Variants in SPECC1 observed in about 807,000 individuals in gnomAD.
The protein encoded by SPECC1 is cytospin-B.
Under a neutral mutation model 104.1 loss-of-function variants are expected in SPECC1, and 62 were observed. That is an observed-to-expected ratio of 0.60 (90% CI 0.49 to 0.74). The LOEUF is 0.74. Ranked by LOEUF, SPECC1 falls within the 30% of genes least tolerant of loss-of-function variation. SPECC1 has a pLI of 0.00. For synonymous variants in SPECC1, 513 were observed against 501.6 expected (o/e 1.02, Z -0.30); for missense variants, 1,306 against 1,310.5 (o/e 1.00, Z 0.05).
At chr17:20,229,737 A>G (rs2038456866) in intron 5 of SPECC1, among the ~76,000 whole-genome samples, 1 of 152,238 alleles carries the variant, frequency 6.6e-6, no homozygotes, top group Non-Finnish European at 1.5e-5. Context: ...GAAAGGGAGA[A>G]GTTTGACAAT....
At chr17:20,111,260 A>G (rs781623694) in intron 3 of SPECC1, among the ~76,000 whole-genome samples, 7 of 152,220 alleles carry the variant, frequency 4.6e-5, no homozygotes, top group Non-Finnish European at 7.3e-5. Context: ...AATAACTGAA[A>G]TACATCGTTA....
At position 20,179,564 on chromosome 17, in the gene SPECC1, A is replaced by C. The variant is rs1366691433; in HGVS notation, c.284-24769A>C. ...ATAAGGTGGGAAAGTCCCCAGGCTTAGGAAAGAAGGGTTCAAAAGCTAGGT... is the reference window on the plus strand; with the variant it reads ...ATAAGGTGGGAAAGTCCCCAGGCTTCGGAAAGAAGGGTTCAAAAGCTAGGT... On this transcript the variant is annotated intron_variant, in intron 3 of 14. Coordinates refer to ENST00000395527, the MANE Select transcript of SPECC1 (RefSeq NM_001243439.2). Among the ~76,000 whole-genome samples the C allele has an allele frequency of 3.3e-5, 5 of 152,230 alleles. No homozygotes were observed. In the East Asian group the frequency reaches 9.6e-4, roughly 29 times the overall value.
In SPECC1 at chr17:20,299,036, T is replaced by C. The variant is rs573362049; in HGVS notation, c.3057+1959T>C. Among the ~76,000 whole-genome samples, 78 of 149,514 alleles carry C rather than the reference T, an allele frequency of 5.2e-4. 4 individuals carry two copies. In the South Asian group the frequency reaches 0.017, roughly 33 times the overall value. On this transcript the variant is annotated intron_variant, in intron 13 of 14. Coordinates refer to ENST00000395527, the MANE Select transcript of SPECC1 (RefSeq NM_001243439.2). The stretch of plus-strand genomic sequence containing the variant: ...GAGAGATTTATTCTAAGGAACTAGC[T>C]CGAGATTATAGAAGCTAGCAAGTCC...
intron 3 of SPECC1, among the ~76,000 whole-genome samples, chr17:20,114,414 TC>T (rs1465921647): frequency 6.6e-6 from 1 of 152,096 alleles, no homozygotes; most frequent in African/African-American, 2.4e-5. Flanking sequence ...ATGGTCTTGA[TC>T]TACTGACCTT....
intron 4 of SPECC1, among the ~76,000 whole-genome samples, chr17:20,211,037 C>T (rs778950035): frequency 6.6e-6 from 1 of 152,196 alleles, no homozygotes; most frequent in Non-Finnish European, 1.5e-5. Flanking sequence ...TCAGACTCAT[C>T]TCAGTAAATG....
At chr17:20,080,819 A>T (rs538778242) in intron 1 of SPECC1, among the ~76,000 whole-genome samples, 2 of 152,106 alleles carry the variant, frequency 1.3e-5, no homozygotes, top group Admixed American at 1.3e-4. Context: ...GGATGCTGAG[A>T]GATTTGGGCA....
At chr17:20,043,687 A>G (rs1597606688) in intron 1 of SPECC1, among the ~76,000 whole-genome samples, 1 of 152,238 alleles carries the variant, frequency 6.6e-6, no homozygotes, top group African/African-American at 2.4e-5. Context: ...CACCATTTTC[A>G]TTTCATAGTC....
chr17:20,316,167 A>ATT lies in SPECC1; in HGVS notation c.*2111_*2112dup. 9.3e-6 allele frequency: 2 copies of ATT among 214,742 alleles called. No homozygotes were observed. The highest frequency in any genetic ancestry group is 2.3e-5 in the African/African-American group (1 of 44,104). 13.3% of individuals were successfully genotyped at this position (214,742 alleles called of 1,614,324 possible). On this transcript the variant is annotated 3_prime_UTR_variant, in exon 15 of 15. Transcript: ENST00000395527. ...GCTGATTCAGGCACTTGTTTGAAGC[A>ATT]TTTTTTTTTTATTAACCCTGTACTT...
chr17:20,207,554 A>G (rs1185672967), intron 4 of SPECC1, among the ~76,000 whole-genome samples: 1 of 152,232 alleles, frequency 6.6e-6, no homozygotes, highest in East Asian at 1.9e-4. Flanking sequence ...TTAAATGTGC[A>G]TATCAGTGAG....
chr17:20,035,190 A>G (rs973218838), intron 1 of SPECC1, among the ~76,000 whole-genome samples: 2 of 152,196 alleles, frequency 1.3e-5, no homozygotes, highest in Admixed American at 6.5e-5. Context: ...TACTGTAGCT[A>G]TGTAAGTCTT....
At chr17:20,126,721 G>A (rs895331483) in intron 3 of SPECC1, among the ~76,000 whole-genome samples, 5 of 152,314 alleles carry the variant, frequency 3.3e-5, no homozygotes, top group South Asian at 2.1e-4. Context: ...TGTGTTAAAT[G>A]CTAGTGACAT....
intron 3 of SPECC1, among the ~76,000 whole-genome samples, chr17:20,173,448 A>C (rs959512276): frequency 1.3e-5 from 2 of 152,250 alleles, no homozygotes; most frequent in African/African-American, 4.8e-5. Flanking sequence ...CTGGAAAGCT[A>C]AATTTAGAGA....
chr17:20,156,172 C>A, intron 3 of SPECC1: 1 of 1,441,532 alleles, frequency 6.9e-7, no homozygotes, highest in Non-Finnish European at 9.1e-7. Context: ...GCCGGCAAGC[C>A]GGCTGGTGCC....
Position 20,186,358 on chromosome 17 carries a change from T to G in SPECC1, c.284-17975T>G, listed in dbSNP as rs530734972. 3.3e-5 allele frequency among the ~76,000 whole-genome samples: 5 copies of G among 152,294 alleles called. No individual in the cohort carries two copies. The South Asian group carries it at 1.0e-3, about 32-fold the overall frequency. On this transcript the variant is annotated intron_variant, in intron 3 of 14. Coordinates refer to ENST00000395527, the MANE Select transcript of SPECC1 (RefSeq NM_001243439.2). The stretch of plus-strand genomic sequence containing the variant: ...TGTACATGCCTTAATTTAAAAAATA[T>G]TGCTAAAAAATGCTAACGAAGTAAG...
intron 12 of SPECC1, among the ~76,000 whole-genome samples, chr17:20,264,043 C>T (rs1475105035): frequency 1.3e-5 from 2 of 152,198 alleles, no homozygotes; most frequent in East Asian, 3.8e-4. Flanking sequence ...ATTTACCCTT[C>T]ACAAAATATG....
chr17:20,168,336 A>T (rs2033825842), intron 3 of SPECC1, among the ~76,000 whole-genome samples: 1 of 152,224 alleles, frequency 6.6e-6, no homozygotes, highest in Non-Finnish European at 1.5e-5. Context: ...AATTGGAAAT[A>T]TCAGTACATT....
chr17:20,285,155 C>G (rs2040900361), intron 12 of SPECC1, among the ~76,000 whole-genome samples: 1 of 152,168 alleles, frequency 6.6e-6, no homozygotes, highest in African/African-American at 2.4e-5. Context: ...AGTAACCAGG[C>G]AACCAAGGCA....
intron 12 of SPECC1, among the ~76,000 whole-genome samples, chr17:20,296,349 C>A (rs562131204): frequency 6.6e-6 from 1 of 152,270 alleles, no homozygotes; most frequent in Non-Finnish European, 1.5e-5. Context: ...GGTATTATTT[C>A]CGAGGGCTCT....
At position 20,013,401 on chromosome 17, in the gene SPECC1, A is replaced by T. The variant is rs536709165; in HGVS notation, c.-22+3977A>T. Among the ~76,000 whole-genome samples, 8 of 152,276 alleles carry T rather than the reference A, an allele frequency of 5.3e-5. No homozygotes were observed. In the South Asian group the frequency reaches 1.2e-3, roughly 24 times the overall value. On this transcript the variant is annotated intron_variant, in intron 1 of 14. Coordinates refer to ENST00000395527, the MANE Select transcript of SPECC1 (RefSeq NM_001243439.2). ...TCTTTTTTTGATAGTAGCTATCCTT[A>T]TGGGTGTGAAATCTTTGTCTTTTAA...
Sources: allele counts gnomAD v4.1 joint callset (sites outside exome capture counted in the v4.1 genomes callset), GRCh38; gene constraint gnomAD v4.1.1; transcripts MANE v1.5; gene names NCBI Gene and HGNC (gene_info 2026-07-23, HGNC 2026-07-21).